The following SLC35F4 variants were observed in gnomAD, a reference collection of about 807,000 sequenced individuals.
SLC35F4 encodes the protein chromosome 14 open reading frame 36.
A neutral mutation model predicts 44.2 loss-of-function variants in SLC35F4; 24 were observed. The observed-to-expected ratio is 0.54, with a 90% CI of 0.39 to 0.76. The LOEUF (loss-of-function observed/expected upper bound fraction) is 0.76. SLC35F4 is among the 30% of genes least tolerant of loss of function. SLC35F4 has a pLI of 0.00. For missense variants in SLC35F4, 562 were observed against 586.1 expected (o/e 0.96, Z 0.42); for synonymous variants, 238 against 223.6 (o/e 1.06, Z -0.57).
intron 1 of SLC35F4, among the ~76,000 whole-genome samples, chr14:57,754,164 C>T (rs761025598): frequency 1.1e-4 from 15 of 135,868 alleles, no homozygotes; most frequent in Admixed American, 1.7e-4. Flanking sequence ...GTGCAGTGTG[C>T]GTGATCTCGG....
intron 6 of SLC35F4, among the ~76,000 whole-genome samples, chr14:57,569,307 T>C (rs913626592): frequency 6.6e-6 from 1 of 152,130 alleles, no homozygotes; most frequent in African/African-American, 2.4e-5. Flanking sequence ...TCAAAATGGC[T>C]TTCCAGGCTC....
intron 6 of SLC35F4, among the ~76,000 whole-genome samples, chr14:57,567,161 G>A (rs2068245806): frequency 6.6e-6 from 1 of 152,338 alleles, no homozygotes; most frequent in South Asian, 2.1e-4. Context: ...AGCTGAAGGT[G>A]TAGCTCCATG....
At chr14:57,633,811 C>T (rs2072899170) in intron 1 of SLC35F4, among the ~76,000 whole-genome samples, 1 of 152,118 alleles carries the variant, frequency 6.6e-6, no homozygotes, top group African/African-American at 2.4e-5. Context: ...TTTCTTCACT[C>T]AGCATAATGC....
intron 5 of SLC35F4, among the ~76,000 whole-genome samples, chr14:57,570,513 G>A (rs1318630012): frequency 6.6e-6 from 1 of 152,166 alleles, no homozygotes; most frequent in East Asian, 1.9e-4. Context: ...AGATTAAAAA[G>A]CAGTTTTTAT....
intron 1 of SLC35F4, among the ~76,000 whole-genome samples, chr14:57,765,082 C>G (rs368070392): frequency 6.6e-6 from 1 of 152,162 alleles, no homozygotes; most frequent in African/African-American, 2.4e-5. Context: ...TCCCCGAACT[C>G]AGGAAGTATA....
intron 1 of SLC35F4, among the ~76,000 whole-genome samples, chr14:57,599,958 A>G (rs1380957153): frequency 2.0e-5 from 3 of 152,172 alleles, no homozygotes; most frequent in Admixed American, 1.3e-4. Flanking sequence ...CCATTGGTTA[A>G]TAAGCCAAAG....
chr14:57,746,939 T>C (rs905518592), intron 1 of SLC35F4, among the ~76,000 whole-genome samples: 1 of 152,206 alleles, frequency 6.6e-6, no homozygotes, highest in Admixed American at 6.5e-5. Flanking sequence ...TATGGCCATC[T>C]ACCTGCCATC....
intron 1 of SLC35F4, among the ~76,000 whole-genome samples, chr14:57,913,664 T>C (rs577265642): frequency 2.0e-5 from 3 of 152,152 alleles, no homozygotes; most frequent in Non-Finnish European, 2.9e-5. Context: ...TATACACACA[T>C]AAGCATACAT....
At chr14:57,711,482 A>G (rs191092383) in intron 1 of SLC35F4, among the ~76,000 whole-genome samples, 2 of 152,200 alleles carry the variant, frequency 1.3e-5, no homozygotes, top group Non-Finnish European at 2.9e-5. Flanking sequence ...ATCATATGAA[A>G]TGGCCATTAT....
At chr14:57,755,425 T>C (rs1479959443) in intron 1 of SLC35F4, among the ~76,000 whole-genome samples, 1 of 152,188 alleles carries the variant, frequency 6.6e-6, no homozygotes, top group Non-Finnish European at 1.5e-5. Context: ...TTTTAAATGA[T>C]GGTCTAATCA....
intron 1 of SLC35F4, among the ~76,000 whole-genome samples, chr14:57,731,397 C>T (rs1438544967): frequency 6.6e-6 from 1 of 152,238 alleles, no homozygotes; most frequent in Non-Finnish European, 1.5e-5. Context: ...TTTGTGGAAT[C>T]ACCTCTCTCC....
At chr14:57,900,210 C>T (rs1036576358) in intron 1 of SLC35F4, among the ~76,000 whole-genome samples, 5 of 152,156 alleles carry the variant, frequency 3.3e-5, no homozygotes, top group African/African-American at 2.4e-5. Context: ...CCACTGGGGA[C>T]CCAGGAAGTC....
At chr14:57,917,712 CA>C (rs1889357986) in intron 1 of SLC35F4, among the ~76,000 whole-genome samples, 1 of 151,894 alleles carries the variant, frequency 6.6e-6, no homozygotes. Context: ...ATTTTAGATA[CA>C]GGGGGTACAT....
At chr14:57,841,711 A>C (rs537963895) in intron 1 of SLC35F4, among the ~76,000 whole-genome samples, 56 of 152,318 alleles carry the variant, frequency 3.7e-4, no homozygotes, top group African/African-American at 1.3e-3. Flanking sequence ...TAAATTTGGC[A>C]GTGGAGATTA....
chr14:57,578,775 A>G (rs2069008206), intron 4 of SLC35F4: 1 of 152,220 alleles, frequency 6.6e-6, no homozygotes, highest in African/African-American at 2.4e-5. Flanking sequence ...TTATGGATAT[A>G]TTTATTAACA....
chr14:57,571,755 A>ATGATGGG (rs1566627185), intron 5 of SLC35F4, 139 bp downstream of exon 5: 1 of 1,244,238 alleles, frequency 8.0e-7, no homozygotes, highest in African/African-American at 1.5e-5. Flanking sequence ...CCATCACATA[A>ATGATGGG]CAAGTAGTTA....
At chr14:57,782,786 C>T (rs2077656491) in intron 1 of SLC35F4, among the ~76,000 whole-genome samples, 1 of 152,134 alleles carries the variant, frequency 6.6e-6, no homozygotes, top group African/African-American at 2.4e-5. Flanking sequence ...AGTGCAATAC[C>T]ATAAACTTTG....
chr14:57,964,176 A>G (rs1566517906), intron 1 of SLC35F4, among the ~76,000 whole-genome samples: 1 of 152,148 alleles, frequency 6.6e-6, no homozygotes. Flanking sequence ...TCTCAGGAGG[A>G]GGAAAGAGCC....
At chr14:57,628,417 T>C (rs897343893) in intron 1 of SLC35F4, among the ~76,000 whole-genome samples, 6 of 139,954 alleles carry the variant, frequency 4.3e-5, no homozygotes, top group Non-Finnish European at 7.7e-5. Flanking sequence ...TCATTTACAT[T>C]ACGTATTTCT....
Sources: gnomAD v4.1 joint callset for allele counts (sites outside exome capture counted in the v4.1 genomes callset) on GRCh38, gnomAD v4.1.1 for gene constraint, MANE v1.5 for transcripts, NCBI Gene and HGNC (gene_info 2026-07-23, HGNC 2026-07-21) for gene names.